The following STARD13 variants were observed in gnomAD, a reference collection of about 807,000 sequenced individuals.
STARD13 encodes StAR related lipid transfer domain containing 13.
In STARD13, 62 loss-of-function variants were observed where a neutral mutation model predicts 106.4. The observed-to-expected ratio is 0.58, with a 90% CI of 0.48 to 0.72. STARD13 has a LOEUF of 0.72. STARD13 is among the 30% of genes least tolerant of loss of function. The pLI, the probability that STARD13 is intolerant of heterozygous loss-of-function variation, is 0.00. For missense variants in STARD13, 1,387 were observed against 1,424.0 expected, an observed-to-expected ratio of 0.97 and a Z score of 0.42; for synonymous variants, 565 against 553.0, an observed-to-expected ratio of 1.02 and a Z score of -0.31.
rs183367452 is a variant in STARD13, at chr13:33,215,108, G to A, written c.170-47486C>T. ...AAGTGCATCAGAAAATTCAGGAATA[G>A]AATGAGTACTTGGGGGGGGGGGTGG... On this transcript the variant is annotated intron_variant, in intron 1 of 13. Coordinates refer to ENST00000336934, the MANE Select transcript of STARD13 (RefSeq NM_178006.4). Among the ~76,000 whole-genome samples the A allele has an allele frequency of 4.0e-3, 469 of 117,550 alleles. 3 individuals are homozygous for A. Among genetic ancestry groups the A allele is most frequent in the African/African-American group, 0.016 (452 of 29,060 alleles). The allele number at this position is 117,550 out of a possible 152,430, so 77.1% of individuals were successfully genotyped here.
chr13:33,137,368 T>C (rs1879197292), intron 4 of STARD13, among the ~76,000 whole-genome samples: 1 of 152,218 alleles, frequency 6.6e-6, no homozygotes, highest in Admixed American at 6.5e-5. Context: ...TCTGCCATTG[T>C]TGTGAAATGA....
chr13:33,125,985 C>G (rs1469007228), intron 7 of STARD13, 96 bp downstream of exon 7: 2 of 1,383,088 alleles, frequency 1.4e-6, no homozygotes, highest in Non-Finnish European at 1.0e-6. Context: ...GCATGTCTTG[C>G]CTGATATTGG....
At chr13:33,665,233 G>A in the STARD13 span, among the ~76,000 whole-genome samples, 1 of 152,226 alleles carries the variant, frequency 6.6e-6, no homozygotes, top group South Asian at 2.1e-4. Context: ...GAGAAAACCT[G>A]AATCCCTTGA....
the STARD13 span, among the ~76,000 whole-genome samples, chr13:33,658,656 T>C: frequency 6.6e-6 from 1 of 152,218 alleles, no homozygotes; most frequent in Admixed American, 6.5e-5. Flanking sequence ...AAATATATAT[T>C]TGGTCTTCGT....
chr13:33,190,744 G>A (rs185717262), intron 1 of STARD13, among the ~76,000 whole-genome samples: 13 of 151,806 alleles, frequency 8.6e-5, no homozygotes, highest in Non-Finnish European at 1.5e-4. Context: ...ATACCACCAC[G>A]CCTGGCTAAT....
the STARD13 span, among the ~76,000 whole-genome samples, chr13:33,598,527 G>A: frequency 6.6e-6 from 1 of 152,186 alleles, no homozygotes; most frequent in Non-Finnish European, 1.5e-5. Flanking sequence ...ATTTGCAAGT[G>A]TAGAAACAGT....
At chr13:33,588,400 A>T in the STARD13 span, among the ~76,000 whole-genome samples, 240 of 152,300 alleles carry the variant, frequency 1.6e-3, no homozygotes, top group Middle Eastern at 6.8e-3. Context: ...GGATTGCCTG[A>T]CCTGCTGTAC....
chr13:33,636,527 C>T, the STARD13 span, among the ~76,000 whole-genome samples: 3 of 152,108 alleles, frequency 2.0e-5, no homozygotes, highest in African/African-American at 7.2e-5. Flanking sequence ...TTTGGTTACC[C>T]TAATTATGGG....
chr13:33,633,756 T>C, the STARD13 span, among the ~76,000 whole-genome samples: 2 of 152,184 alleles, frequency 1.3e-5, no homozygotes, highest in Admixed American at 6.5e-5. Flanking sequence ...GAATTTAGCA[T>C]GGTTTCTAAG....
chr13:33,575,677 G>T, the STARD13 span, among the ~76,000 whole-genome samples: 1 of 152,072 alleles, frequency 6.6e-6, no homozygotes, highest in East Asian at 1.9e-4. Flanking sequence ...GTAAAGCCAG[G>T]ACGCCACTCA....
chr13:33,187,204 G>A (rs1224711914), intron 1 of STARD13, among the ~76,000 whole-genome samples: 2 of 152,226 alleles, frequency 1.3e-5, no homozygotes, highest in Non-Finnish European at 2.9e-5. Flanking sequence ...AATGACAGAG[G>A]GAGAGGGTTG....
At chr13:33,229,603 G>A (rs761721245) in intron 1 of STARD13, among the ~76,000 whole-genome samples, 2 of 152,136 alleles carry the variant, frequency 1.3e-5, no homozygotes, top group African/African-American at 4.8e-5. Context: ...GCGAGTGCAC[G>A]CGTGCACACA....
intron 1 of STARD13, among the ~76,000 whole-genome samples, chr13:33,283,747 A>T (rs1008752020): frequency 3.9e-5 from 6 of 152,236 alleles, no homozygotes; most frequent in Admixed American, 3.9e-4. Flanking sequence ...GACAAAAATG[A>T]AACATAAACT....
At chr13:33,172,432 C>T (rs539823429) in intron 1 of STARD13, among the ~76,000 whole-genome samples, 5 of 152,224 alleles carry the variant, frequency 3.3e-5, no homozygotes, top group East Asian at 1.9e-4. Context: ...AAGAGATTTA[C>T]AAGCTGTTTC....
At chr13:33,461,217 A>T in the STARD13 span, among the ~76,000 whole-genome samples, 2 of 152,314 alleles carry the variant, frequency 1.3e-5, no homozygotes, top group African/African-American at 4.8e-5. Context: ...GTACACTTTA[A>T]ATATGTGCAG....
chr13:33,120,068 C>T (rs550596938), intron 7 of STARD13, among the ~76,000 whole-genome samples: 2 of 152,314 alleles, frequency 1.3e-5, no homozygotes, highest in South Asian at 2.1e-4. Flanking sequence ...CTGTGCTGTA[C>T]GAGAGTTCTC....
intron 1 of STARD13, among the ~76,000 whole-genome samples, chr13:33,256,625 T>A (rs2138306863): frequency 6.6e-6 from 1 of 152,338 alleles, no homozygotes; most frequent in East Asian, 1.9e-4. Context: ...GAACTGCTTT[T>A]AAATTCTGAA....
the STARD13 span, among the ~76,000 whole-genome samples, chr13:33,586,147 A>G: frequency 1.4e-4 from 21 of 152,380 alleles, no homozygotes. Context: ...ACAACTGGAA[A>G]TGACCAAAAA....
At chr13:33,606,722 C>T in the STARD13 span, among the ~76,000 whole-genome samples, 2 of 152,232 alleles carry the variant, frequency 1.3e-5, no homozygotes, top group African/African-American at 4.8e-5. Flanking sequence ...CTTAAAATAA[C>T]ACAAATGTCT....
Sources: allele counts gnomAD v4.1 joint callset (sites outside exome capture counted in the v4.1 genomes callset), GRCh38; gene constraint gnomAD v4.1.1; transcripts MANE v1.5; gene names NCBI Gene and HGNC (gene_info 2026-07-23, HGNC 2026-07-21).